ARL6: variants seen among roughly 807,000 people sequenced by gnomAD.
The protein encoded by ARL6 is ARF like GTPase 6, also known as ADP-ribosylation factor-like protein 6.
In ARL6, 18 loss-of-function variants were observed where a neutral mutation model predicts 27.1. The ratio of observed to expected loss-of-function variants is 0.66; its 90% CI spans 0.46 to 0.98. The LOEUF is 0.98. ARL6 is among the 50% of genes least tolerant of loss of function. The probability of loss-of-function intolerance (pLI) is 0.00; values close to 1 mark genes in which losing one functional copy is unlikely to be tolerated. For synonymous variants in ARL6, 65 were observed against 72.3 expected, an observed-to-expected ratio of 0.90 and a Z score of 0.51; for missense variants, 187 against 214.9, an observed-to-expected ratio of 0.87 and a Z score of 0.81.
chr3:97,792,866 C>T (rs2037811457), intron 7 of ARL6, among the ~76,000 whole-genome samples: 1 of 151,718 alleles, frequency 6.6e-6, no homozygotes, highest in Non-Finnish European at 1.5e-5. Flanking sequence ...AATGTCTCTG[C>T]CCTGAACAAG....
chr3:97,798,098 C>G lies in ARL6; in HGVS notation c.*49C>G. 1 of 1,557,830 alleles carries G rather than the reference C, an allele frequency of 6.4e-7. No individual in the cohort carries two copies. Among genetic ancestry groups the G allele is most frequent in the Non-Finnish European group, 8.8e-7 (1 of 1,130,400 alleles). ...GCAATTTTCAATTCAAGGAATCTAT[C>G]TAAGACAAATAGAATACATTTTGTA... On this transcript the variant is annotated 3_prime_UTR_variant, in exon 8 of 8. Coordinates refer to ENST00000463745, the MANE Select transcript of ARL6 (RefSeq NM_001278293.3).
At chr3:97,778,031 A>G (rs2036994848) in intron 2 of ARL6, among the ~76,000 whole-genome samples, 3 of 152,236 alleles carry the variant, frequency 2.0e-5, no homozygotes, top group South Asian at 4.1e-4. Flanking sequence ...TTTAATATAC[A>G]TTTTTTGAGA....
At chr3:97,791,701 T>C in intron 6 of ARL6, 70 bp from the exon 7 acceptor site, 1 of 1,447,686 alleles carries the variant, frequency 6.9e-7, no homozygotes, top group South Asian at 1.1e-5. Context: ...TATGGCAAAA[T>C]TGTAATCCTT....
At chr3:97,779,157 C>T (rs939498106) in intron 2 of ARL6, among the ~76,000 whole-genome samples, 10 of 152,182 alleles carry the variant, frequency 6.6e-5, no homozygotes, top group African/African-American at 2.2e-4. Context: ...CTACCATTGC[C>T]TTCAAGCCCT....
At chr3:97,777,449 T>C (rs1248214958) in intron 2 of ARL6, among the ~76,000 whole-genome samples, 3 of 152,168 alleles carry the variant, frequency 2.0e-5, no homozygotes, top group Admixed American at 6.5e-5. Flanking sequence ...AAATCATCTC[T>C]AGATTACTAA....
At chr3:97,792,659 G>GTTATCATA (rs1481010435) in intron 7 of ARL6, among the ~76,000 whole-genome samples, 1 of 152,136 alleles carries the variant, frequency 6.6e-6, no homozygotes, top group African/African-American at 2.4e-5. Flanking sequence ...GATTGGTACA[G>GTTATCATA]GCTTACTATA....
chr3:97,777,462 A>C (rs550728563), intron 2 of ARL6, among the ~76,000 whole-genome samples: 1 of 152,298 alleles, frequency 6.6e-6, no homozygotes, highest in Admixed American at 6.5e-5. Context: ...ATTACTAATA[A>C]TACTTTAATA....
rs761546116 is a variant in ARL6, at chr3:97,785,008, T to C, written c.308T>C (p.Val103Ala). 7.4e-6 allele frequency: 12 copies of C among 1,612,990 alleles called. 1 individual carries two copies. The highest frequency in any genetic ancestry group is 1.7e-5 in the Admixed American group (1 of 59,950). ...VIDSSDRLRM[V>A]VAKEELDTLL... ...GATAGTAGTGATAGATTAAGAATGG[T>C]TGTGGCCAAAGAAGAACTCGATACT... Residue 103 changes from valine (V) to alanine (A), a missense_variant, in exon 5 of 8, where the codon GTT becomes GCT. Val to Ala is a moderately conservative substitution (Grantham distance 64). Transcript: ENST00000463745.
intron 7 of ARL6, among the ~76,000 whole-genome samples, chr3:97,796,448 G>T (rs1263080721): frequency 6.6e-6 from 1 of 151,904 alleles, no homozygotes; most frequent in African/African-American, 2.4e-5. Context: ...GAAAGACAAA[G>T]AATAGAAAAT....
At position 97,798,252 on chromosome 3, in the gene ARL6, A is replaced by G. The variant is rs2038095260; in HGVS notation, c.*203A>G. The G allele has an allele frequency of 5.4e-6, 3 of 553,142 alleles. No individual in the cohort carries two copies. Among genetic ancestry groups the G allele is most frequent in the Admixed American group, 3.1e-5 (1 of 32,334 alleles). The allele number at this position is 553,142 out of a possible 1,614,324, so 34.3% of individuals were successfully genotyped here. On this transcript the variant is annotated 3_prime_UTR_variant, in exon 8 of 8. Coordinates refer to ENST00000463745, the MANE Select transcript of ARL6 (RefSeq NM_001278293.3). ...ATTTAAAAACTAAATATTCCCTCAA[A>G]AGGGCTCCCTAGAATTATCAAGTTC... is the stretch of plus-strand genomic sequence containing the variant.
In ARL6 at chr3:97,784,975, T is replaced by C. The variant is rs747031395; in HGVS notation, c.275T>C (p.Phe92Ser). The change falls in exon 5 of 8, where the codon TTT becomes TCT. Residue 92 changes from phenylalanine (F) to serine (S), a missense_variant. Transcript: ENST00000463745. The stretch of plus-strand genomic sequence containing the variant: ...CACAGAGAAGGCCAAGCTATTATTT[T>C]TGTCATTGATAGTAGTGATAGATTA... ...HYYKEGQAII[F>S]VIDSSDRLRM... is the part of the protein sequence containing the mutation. 1 of 1,612,596 alleles carries C rather than the reference T, an allele frequency of 6.2e-7. No homozygotes were observed. The highest frequency in any genetic ancestry group is 8.5e-7 in the Non-Finnish European group (1 of 1,178,916).
chr3:97,797,006 AT>A (rs2038035565), intron 7 of ARL6, among the ~76,000 whole-genome samples: 1 of 152,174 alleles, frequency 6.6e-6, no homozygotes, highest in African/African-American at 2.4e-5. Context: ...TATCAAAAAA[AT>A]AAAAGGAAAT....
intron 7 of ARL6, 42 bp from the exon 8 acceptor site, chr3:97,797,981 GC>G: frequency 1.3e-6 from 2 of 1,578,918 alleles, no homozygotes; most frequent in Non-Finnish European, 1.7e-6. Context: ...AATAGATTTT[GC>G]CCTATAGAGA....
At chr3:97,765,821 C>T (rs2036351588) in intron 1 of ARL6, among the ~76,000 whole-genome samples, 1 of 152,202 alleles carries the variant, frequency 6.6e-6, no homozygotes. Context: ...TCTCGCTGCA[C>T]ACTTAAGACA....
At chr3:97,792,353 T>C (rs2037781949) in intron 7 of ARL6, among the ~76,000 whole-genome samples, 1 of 152,044 alleles carries the variant, frequency 6.6e-6, no homozygotes, top group East Asian at 1.9e-4. Flanking sequence ...TGTGGTGGTG[T>C]ACACCTGTAA....
intron 2 of ARL6, among the ~76,000 whole-genome samples, chr3:97,775,276 A>C (rs2036835393): frequency 6.6e-6 from 1 of 152,202 alleles, no homozygotes; most frequent in Non-Finnish European, 1.5e-5. Context: ...AGGGGAGTTT[A>C]TTAAGTAGTA....
chr3:97,770,293 C>A (rs973550168), intron 2 of ARL6, among the ~76,000 whole-genome samples: 2 of 151,934 alleles, frequency 1.3e-5, no homozygotes, highest in African/African-American at 4.8e-5. Flanking sequence ...TAATGATGAG[C>A]ATTTTTTTCA....
intron 1 of ARL6, among the ~76,000 whole-genome samples, chr3:97,767,838 G>A (rs542545154): frequency 8.5e-5 from 13 of 152,154 alleles, no homozygotes; most frequent in African/African-American, 3.1e-4. Flanking sequence ...AGAGAGAAAT[G>A]TTGTTATTTC....
intron 2 of ARL6, among the ~76,000 whole-genome samples, chr3:97,770,432 G>T (rs960738400): frequency 1.3e-5 from 2 of 151,782 alleles, no homozygotes; most frequent in African/African-American, 4.8e-5. Flanking sequence ...CTGTATTCTG[G>T]TTATTAATCC....
Sources: gnomAD v4.1 joint callset for allele counts (sites outside exome capture counted in the v4.1 genomes callset) on GRCh38, gnomAD v4.1.1 for gene constraint, MANE v1.5 for transcripts, NCBI Gene and HGNC (gene_info 2026-07-23, HGNC 2026-07-21) for gene names.